The following TPST1 variants were observed in gnomAD, a reference collection of about 807,000 sequenced individuals.
TPST1 encodes protein-tyrosine sulfotransferase 1.
A neutral mutation model predicts 34.8 loss-of-function variants in TPST1; 20 were observed. The observed-to-expected ratio is 0.57, with a 90% CI of 0.40 to 0.84. The LOEUF is 0.84. Among genes scored for constraint, TPST1 ranks in the 40% least tolerant of loss-of-function variants. TPST1 has a pLI of 0.00. For missense variants in TPST1, 353 were observed against 455.5 expected (o/e 0.78, Z 2.05); for synonymous variants, 152 against 159.4 (o/e 0.95, Z 0.35).
upstream of TPST1, among the ~76,000 whole-genome samples, chr7:66,203,083 A>G (rs769069763): frequency 7.2e-5 from 11 of 152,026 alleles, no homozygotes; most frequent in Non-Finnish European, 1.0e-4. Flanking sequence ...TCCATCTCAA[A>G]ACAAAAACAA....
chr7:66,230,081 G>A (rs550656858), intron 1 of TPST1, among the ~76,000 whole-genome samples: 3 of 152,200 alleles, frequency 2.0e-5, no homozygotes, highest in African/African-American at 7.2e-5. Flanking sequence ...CCAGCTGCTC[G>A]GGAGGCTGAG....
At chr7:66,347,372 T>C (rs1792377996) in intron 3 of TPST1, among the ~76,000 whole-genome samples, 1 of 152,120 alleles carries the variant, frequency 6.6e-6, no homozygotes, top group Admixed American at 6.6e-5. Context: ...CCAGCAAGTA[T>C]CTAGTTTCAT....
At chr7:66,336,241 C>T (rs1458666473) in intron 3 of TPST1, among the ~76,000 whole-genome samples, 3 of 151,006 alleles carry the variant, frequency 2.0e-5, no homozygotes, top group South Asian at 2.1e-4. Flanking sequence ...ACCCAGGAGG[C>T]GGAGCTTGCA....
intron 3 of TPST1, among the ~76,000 whole-genome samples, chr7:66,335,030 CACCCTA>C (rs1352978897): frequency 6.6e-6 from 1 of 152,200 alleles, no homozygotes; most frequent in Non-Finnish European, 1.5e-5. Context: ...TTAGCCGAGA[CACCCTA>C]TTGACAAGGA....
chr7:66,313,102 G>A (rs1406948222), intron 3 of TPST1, among the ~76,000 whole-genome samples: 1 of 151,306 alleles, frequency 6.6e-6, no homozygotes, highest in African/African-American at 2.4e-5. Context: ...AAAAAAATGA[G>A]CTTTCAACAA....
chr7:66,345,489 CAAAAAAAAAAAAAA>C (rs58837242), intron 3 of TPST1, among the ~76,000 whole-genome samples: 1 of 64,862 alleles, frequency 1.5e-5, no homozygotes, highest in Non-Finnish European at 2.7e-5. Context: ...ACTCCATCTC[CAAAAAAAAAAAAAA>C]AAAAAAAAAA....
At chr7:66,349,347 G>A (rs529059882) in intron 3 of TPST1, among the ~76,000 whole-genome samples, 3 of 152,322 alleles carry the variant, frequency 2.0e-5, no homozygotes, top group Non-Finnish European at 4.4e-5. Flanking sequence ...GAGGCAGGCG[G>A]ATCACCTGAG....
intron 1 of TPST1, among the ~76,000 whole-genome samples, chr7:66,213,212 C>T (rs938896549): frequency 6.6e-6 from 1 of 152,104 alleles, no homozygotes; most frequent in African/African-American, 2.4e-5. Flanking sequence ...TCTCACAGGA[C>T]GTAAGGCACT....
intron 2 of TPST1, among the ~76,000 whole-genome samples, chr7:66,264,030 C>G (rs952506892): frequency 1.3e-5 from 2 of 152,172 alleles, no homozygotes; most frequent in Non-Finnish European, 1.5e-5. Context: ...TGTTTCTGTA[C>G]TGGAGGGAGC....
At chr7:66,286,480 T>A in intron 2 of TPST1, 31 bp from the exon 3 acceptor site, 1 of 1,438,306 alleles carries the variant, frequency 7.0e-7, no homozygotes, top group South Asian at 1.6e-5. Context: ...AAATTTTAAA[T>A]AAATATTTAT....
intron 3 of TPST1, among the ~76,000 whole-genome samples, chr7:66,311,243 A>G (rs1791526878): frequency 6.6e-6 from 1 of 152,038 alleles, no homozygotes. Context: ...GGCTCAAGCC[A>G]TCCTCCCACC....
intron 1 of TPST1, among the ~76,000 whole-genome samples, chr7:66,220,706 G>A (rs375672805): frequency 1.3e-5 from 2 of 152,190 alleles, no homozygotes; most frequent in South Asian, 2.1e-4. Flanking sequence ...AACAGGCTGG[G>A]GAGCAGACAA....
chr7:66,257,961 AATAG>A (rs1287257627), intron 2 of TPST1, among the ~76,000 whole-genome samples: 1 of 152,218 alleles, frequency 6.6e-6, no homozygotes, highest in African/African-American at 2.4e-5. Context: ...AAGCTACATT[AATAG>A]ATTTTCTAAT....
chr7:66,221,973 A>T (rs991948186), intron 1 of TPST1, among the ~76,000 whole-genome samples: 1 of 152,122 alleles, frequency 6.6e-6, no homozygotes, highest in Non-Finnish European at 1.5e-5. Flanking sequence ...GTTTATTCAT[A>T]GTTCCTTGTT....
At chr7:66,274,976 C>T (rs895585769) in intron 2 of TPST1, among the ~76,000 whole-genome samples, 3 of 152,080 alleles carry the variant, frequency 2.0e-5, no homozygotes, top group Non-Finnish European at 4.4e-5. Context: ...GGGTGGATCA[C>T]GAGGTCAGGA....
intron 3 of TPST1, 42 bp from the exon 4 acceptor site, chr7:66,352,463 T>C (rs200152387): frequency 2.1e-5 from 34 of 1,605,506 alleles, no homozygotes; most frequent in Non-Finnish European, 2.3e-5. Flanking sequence ...TGATGGGGAC[T>C]GGACCTGTTG....
intron 2 of TPST1, among the ~76,000 whole-genome samples, chr7:66,245,400 T>A (rs1324609996): frequency 6.6e-6 from 1 of 152,138 alleles, no homozygotes. Flanking sequence ...CTGGCTAAAT[T>A]TACCTGATAG....
At chr7:66,217,635 G>A (rs966586189) in intron 1 of TPST1, among the ~76,000 whole-genome samples, 8 of 151,954 alleles carry the variant, frequency 5.3e-5, no homozygotes, top group African/African-American at 1.2e-4. Flanking sequence ...TTGCTCTGTC[G>A]CCCAGGCTGG....
intron 3 of TPST1, among the ~76,000 whole-genome samples, chr7:66,344,004 A>G (rs942033117): frequency 6.6e-6 from 1 of 152,248 alleles, no homozygotes; most frequent in African/African-American, 2.4e-5. Context: ...TTATTGATAG[A>G]GTGGAAAGGA....
Sources: allele counts gnomAD v4.1 joint callset (sites outside exome capture counted in the v4.1 genomes callset), GRCh38; gene constraint gnomAD v4.1.1; transcripts MANE v1.5; gene names NCBI Gene and HGNC (gene_info 2026-07-23, HGNC 2026-07-21).